The following NOTCH3 variants were observed in gnomAD, a reference collection of about 807,000 sequenced individuals.
NOTCH3 encodes the protein notch receptor 3.
A neutral mutation model predicts 213.3 loss-of-function variants in NOTCH3; 86 were observed. The ratio of observed to expected loss-of-function variants is 0.40; its 90% CI spans 0.34 to 0.48. The LOEUF (loss-of-function observed/expected upper bound fraction) is 0.48, where lower values mean the gene tolerates loss of function less well. Ranked by LOEUF, NOTCH3 falls within the 20% of genes least tolerant of loss-of-function variation. NOTCH3 has a pLI of 0.57. For missense variants in NOTCH3, 2,783 were observed against 3,272.6 expected (o/e 0.85, Z 3.65); for synonymous variants, 1,354 against 1,355.9 (o/e 1.00, Z 0.03).
At position 15,165,859 on chromosome 19, in the gene NOTCH3, G is replaced by A; in HGVS notation, c.5595C>T (p.Thr1865=). The change falls in exon 30 of 33, where the codon ACC becomes ACT. Residue 1865 remains threonine (T), a synonymous_variant. Transcript: ENST00000263388. This position sits in a 1 kb window ranked among gnomAD's most constrained non-coding sequence, Gnocchi z 4.7. ...TGCGGCCTGAGTGGTCCTGGGCATT[G>A]GTGTCTGCCCCAGCATCCAGCAGCC... The part of the protein sequence containing the change: ...AKRLLDAGAD[T]NAQDHSGRTP... The A allele has an allele frequency of 6.2e-7, 1 of 1,614,042 alleles. No homozygotes were observed.
In NOTCH3 at chr19:15,185,088, C is replaced by G. The variant is rs1277816336; in HGVS notation, c.2297-69G>C. 2 of 1,243,584 alleles carry G rather than the reference C, an allele frequency of 1.6e-6. No individual in the cohort carries two copies. The highest frequency in any genetic ancestry group is 3.0e-5 in the African/African-American group (2 of 66,994). The allele number at this position is 1,243,584 out of a possible 1,614,324, so 77.0% of individuals were successfully genotyped here. ...ACTCCCTGATCCCATCTCCCCCCAC[C>G]TCCCCCAACCCCAGGGTCCCCACCT... On this transcript the variant is annotated intron_variant, in intron 14 of 32. Coordinates refer to ENST00000263388, the MANE Select transcript of NOTCH3 (RefSeq NM_000435.3). This position sits in a 1 kb window ranked among gnomAD's most constrained non-coding sequence, Gnocchi z 4.2.
chr19:15,181,918 G>A (rs1416543084), intron 16 of NOTCH3, 117 bp from the exon 17 acceptor site: 1 of 842,788 alleles, frequency 1.2e-6, no homozygotes, highest in African/African-American at 1.7e-5. Context: ...ACTGGGATGG[G>A]GTGCATTTGG....
Position 15,174,265 on chromosome 19 carries a change from C to G in NOTCH3, c.4539G>C (p.Leu1513=). ...EVPALLARGV[L]VLTVLLPPEE... The stretch of plus-strand genomic sequence containing the variant: ...CTGGCGGCAGCAGCACTGTGAGCAC[C>G]AGCACGCCGCGGGCCAGCAGGGCCG... Residue 1513 remains leucine (L), a synonymous_variant, in exon 25 of 33, where the codon CTG becomes CTC. Coordinates refer to ENST00000263388, the MANE Select transcript of NOTCH3 (RefSeq NM_000435.3). 1 of 1,573,838 alleles carries G rather than the reference C, an allele frequency of 6.4e-7. No individual in the cohort carries two copies. The highest frequency in any genetic ancestry group is 1.8e-4 in the Middle Eastern group (1 of 5,614).
intron 2 of NOTCH3, among the ~76,000 whole-genome samples, chr19:15,196,736 T>G (rs2046973007): frequency 1.3e-5 from 2 of 152,178 alleles, no homozygotes; most frequent in African/African-American, 2.4e-5. Flanking sequence ...GAGCACTTAA[T>G]GTATGTTGAG....
rs2046629186 is a variant in NOTCH3, at chr19:15,160,318, GAAAAAT to G, written c.*338_*343del. The G allele has an allele frequency of 7.9e-6, 2 of 252,868 alleles. No homozygotes were observed. The highest frequency in any genetic ancestry group is 7.5e-6 in the Non-Finnish European group (1 of 133,154). The allele number at this position is 252,868 out of a possible 1,614,324, so 15.7% of individuals were successfully genotyped here. ...TCTATACAAAATGTAAAAAAAAAAA[GAAAAAT>G]AAAAATAATAATAATTCATTCATGT... On this transcript the variant is annotated 3_prime_UTR_variant, in exon 33 of 33. Coordinates refer to ENST00000263388, the MANE Select transcript of NOTCH3 (RefSeq NM_000435.3).
chr19:15,161,287 G>A lies in NOTCH3; in HGVS notation c.6341C>T (p.Pro2114Leu). The A allele has an allele frequency of 6.5e-7, 1 of 1,537,076 alleles. No homozygotes were observed. The highest frequency in any genetic ancestry group is 8.7e-7 in the Non-Finnish European group (1 of 1,144,422). ...GGGGAAGCCACCAGGGGAAGCAGGG[G>A]GCCCACCGAAAGGCCGCGGGGAGTC... is the stretch of plus-strand genomic sequence containing the variant. ...SLDSPRPFGG[P>L]PASPGGFPLE... The change falls in exon 33 of 33, where the codon CCC becomes CTC. Residue 2114 changes from proline (P) to leucine (L), a missense_variant. Physicochemically the swap from Pro to Leu is moderately conservative, Grantham distance 98. This residue lies in a region of NOTCH3 where 441 missense variants were observed against 432.1 expected (regional missense o/e 1.02). Transcript: ENST00000263388.
intron 12 of NOTCH3, among the ~76,000 whole-genome samples, chr19:15,186,648 A>T (rs1367417964): frequency 6.6e-6 from 1 of 152,124 alleles, no homozygotes; most frequent in Admixed American, 6.5e-5. Context: ...CAAGTGATCC[A>T]CTTGCCTTGG....
chr19:15,178,314 C>A (rs1274587900), intron 23 of NOTCH3: 5 of 540,174 alleles, frequency 9.3e-6, no homozygotes, highest in Non-Finnish European at 1.6e-5. Context: ...GCCCTGCCAT[C>A]CCAGGAGGCC....
At chr19:15,166,743 G>A (rs2046689200) in intron 29 of NOTCH3, among the ~76,000 whole-genome samples, 1 of 152,164 alleles carries the variant, frequency 6.6e-6, no homozygotes, top group Non-Finnish European at 1.5e-5. Context: ...TTTTTCTTAG[G>A]GAGCCACTTG....
At chr19:15,198,283 A>T (rs966088676) in intron 1 of NOTCH3, among the ~76,000 whole-genome samples, 1 of 152,154 alleles carries the variant, frequency 6.6e-6, no homozygotes, top group Non-Finnish European at 1.5e-5. Context: ...GCTGGGTCTG[A>T]GCTAGTGGAG....
intron 9 of NOTCH3, 28 bp from the exon 10 acceptor site, chr19:15,188,022 G>T: frequency 6.6e-7 from 1 of 1,520,486 alleles, no homozygotes; most frequent in Non-Finnish European, 8.9e-7. Context: ...ATGAGCAGAG[G>T]CCCAGAAAGG....
chr19:15,175,611 A>ACACACG (rs2046783594), intron 24 of NOTCH3, among the ~76,000 whole-genome samples: 2 of 142,040 alleles, frequency 1.4e-5, no homozygotes, highest in South Asian at 2.2e-4. Context: ...ACACACACAC[A>ACACACG]CACGCACGCA....
chr19:15,184,742 C>A (rs2046867168), intron 15 of NOTCH3, among the ~76,000 whole-genome samples, 164 bp downstream of exon 15: 1 of 152,160 alleles, frequency 6.6e-6, no homozygotes, highest in Non-Finnish European at 1.5e-5. Flanking sequence ...AGGGCTGACC[C>A]ACACAGGCTG....
intron 1 of NOTCH3, among the ~76,000 whole-genome samples, chr19:15,198,725 T>C (rs1002120854): frequency 5.9e-5 from 9 of 151,926 alleles, no homozygotes; most frequent in Non-Finnish European, 1.2e-4. Flanking sequence ...CACTCCACCC[T>C]GGGCAACAAG....
In NOTCH3 at chr19:15,170,078, G is replaced by T. The variant is rs1205341775; in HGVS notation, c.5199+8C>A. 5.8e-6 allele frequency: 9 copies of T among 1,546,338 alleles called. No homozygotes were observed. Among genetic ancestry groups the T allele is most frequent in the Non-Finnish European group, 7.1e-6 (8 of 1,131,876 alleles). ...AGGAGGGGGCAAAGGTCAGAGGGGG[G>T]GCAGTACCTTTAGCCGCTTGGCCTC... On this transcript the variant is annotated splice_region_variant and intron_variant, in intron 28 of 32. Coordinates refer to ENST00000263388, the MANE Select transcript of NOTCH3 (RefSeq NM_000435.3).
intron 8 of NOTCH3, 34 bp downstream of exon 8, chr19:15,188,955 C>T (rs1453330331): frequency 6.3e-7 from 1 of 1,595,090 alleles, no homozygotes; most frequent in Non-Finnish European, 8.5e-7. Flanking sequence ...CGCCCCCTGC[C>T]TCAGGACCCG....
chr19:15,171,922 G>A (rs2046738204), intron 25 of NOTCH3, among the ~76,000 whole-genome samples: 1 of 151,700 alleles, frequency 6.6e-6, no homozygotes, highest in Admixed American at 6.6e-5. Flanking sequence ...TTGAGACAGA[G>A]TTTCACTCTT....
intron 32 of NOTCH3, among the ~76,000 whole-genome samples, 160 bp from the exon 33 acceptor site, chr19:15,161,874 T>C (rs2046647202): frequency 6.6e-6 from 1 of 152,022 alleles, no homozygotes; most frequent in African/African-American, 2.4e-5. Context: ...ACAAGTTCTT[T>C]CCTCTAAACC....
chr19:15,178,046 C>T lies in NOTCH3; in HGVS notation c.3882G>A (p.Arg1294=), dbSNP rs1490303947. 1 of 1,518,616 alleles carries T rather than the reference C, an allele frequency of 6.6e-7. No homozygotes were observed. 94.1% of individuals were successfully genotyped at this position (1,518,616 alleles called of 1,614,324 possible). A position where few individuals can be genotyped will look rare whatever the true frequency, so the allele number is the denominator to read the frequency against. The change falls in exon 24 of 33, where the codon CGG becomes CGA. Residue 1294 remains arginine, a synonymous_variant. Coordinates refer to ENST00000263388, the MANE Select transcript of NOTCH3 (RefSeq NM_000435.3). ...PRCERVARSC[R]ELQCPVGVPC... ...GGACGCCCACCGGGCACTGCAGCTC[C>T]CGGCAGGAGCGCGCCACCCGCTCGC...
Sources: gnomAD v4.1 joint callset for allele counts (sites outside exome capture counted in the v4.1 genomes callset) on GRCh38, gnomAD v4.1.1 for gene constraint, gnomAD v4.1.1 regional missense constraint, Gnocchi (gnomAD v3.1) non-coding constraint, MANE v1.5 for transcripts, NCBI Gene and HGNC (gene_info 2026-07-23, HGNC 2026-07-21) for gene names.